AGMO: variants seen among roughly 807,000 people sequenced by gnomAD.
The protein encoded by AGMO is glyceryl-ether monooxygenase.
Under a neutral mutation model 60.2 loss-of-function variants are expected in AGMO, and 75 were observed. The observed-to-expected ratio is 1.25, with a 90% CI of 1.03 to 1.51. The LOEUF (loss-of-function observed/expected upper bound fraction) is 1.51, where lower values mean the gene tolerates loss of function less well. Among genes scored for constraint, AGMO ranks in the 40% most tolerant of loss-of-function variants. The pLI, the probability that AGMO is intolerant of heterozygous loss-of-function variation, is 0.00. For synonymous variants in AGMO, 261 were observed against 177.1 expected (o/e 1.47, Z -3.76); for missense variants, 763 against 525.5 (o/e 1.45, Z -4.42).
At chr7:15,157,233 T>C in the AGMO span, among the ~76,000 whole-genome samples, 1 of 152,156 alleles carries the variant, frequency 6.6e-6, no homozygotes, top group African/African-American at 2.4e-5. Context: ...TTACTCTCTC[T>C]TTTATCAAAT....
At chr7:15,390,307 A>G (rs1297971916) in intron 8 of AGMO, among the ~76,000 whole-genome samples, 1 of 152,152 alleles carries the variant, frequency 6.6e-6, no homozygotes, top group African/African-American at 2.4e-5. Context: ...AGAGTCATGC[A>G]CCCTGGAAGC....
chr7:15,128,858 C>G, the AGMO span, among the ~76,000 whole-genome samples: 1 of 152,010 alleles, frequency 6.6e-6, no homozygotes, highest in South Asian at 2.1e-4. Flanking sequence ...CTTGCTGTAG[C>G]TAGGGAGTCA....
rs377034852 is a variant in AGMO, at chr7:15,432,332, A to G, written c.410-1224T>C. ...TATATATGTGTGTGTATATATGTAT[A>G]TATATATATATATACATACATATAT... On this transcript the variant is annotated intron_variant, in intron 3 of 12. Coordinates refer to ENST00000342526, the MANE Select transcript of AGMO (RefSeq NM_001004320.2). 2.4e-3 allele frequency among the ~76,000 whole-genome samples: 327 copies of G among 138,782 alleles called. 5 individuals are homozygous for G. Among genetic ancestry groups the G allele is most frequent in the African/African-American group, 6.3e-3 (236 of 37,420 alleles). The allele number at this position is 138,782 out of a possible 152,430, so 91.0% of individuals were successfully genotyped here.
At chr7:15,430,641 A>C (rs1353986990) in intron 4 of AGMO, among the ~76,000 whole-genome samples, 2 of 116,330 alleles carry the variant, frequency 1.7e-5, no homozygotes, top group Non-Finnish European at 3.9e-5. Context: ...AAAAAAAAAA[A>C]AAAAACTGGT....
intron 12 of AGMO, among the ~76,000 whole-genome samples, chr7:15,296,441 C>T (rs186720410): frequency 1.7e-3 from 252 of 152,222 alleles, no homozygotes; most frequent in African/African-American, 5.7e-3. Context: ...CCCTGTGCAC[C>T]ATCGTTGAAG....
chr7:15,471,318 G>A (rs1019108971), intron 3 of AGMO, among the ~76,000 whole-genome samples: 1 of 151,764 alleles, frequency 6.6e-6, no homozygotes, highest in South Asian at 2.1e-4. Context: ...TGACTTCATC[G>A]TATATCTGAA....
intron 3 of AGMO, among the ~76,000 whole-genome samples, chr7:15,537,592 T>C (rs1325822209): frequency 6.6e-6 from 1 of 152,142 alleles, no homozygotes; most frequent in Non-Finnish European, 1.5e-5. Flanking sequence ...CCTGGAAATA[T>C]TTCTATACTT....
At chr7:15,353,842 G>T (rs567587139) in intron 12 of AGMO, among the ~76,000 whole-genome samples, 1 of 152,226 alleles carries the variant, frequency 6.6e-6, no homozygotes, top group Non-Finnish European at 1.5e-5. Flanking sequence ...AGGGACAGGT[G>T]AGTAAGAATA....
chr7:15,346,508 T>C (rs1483650948), intron 12 of AGMO, among the ~76,000 whole-genome samples: 1 of 151,994 alleles, frequency 6.6e-6, no homozygotes, highest in African/African-American at 2.4e-5. Context: ...TTAATTGATA[T>C]TTATTTTCAT....
chr7:15,242,878 A>G (rs1782633086), intron 12 of AGMO, among the ~76,000 whole-genome samples: 1 of 152,150 alleles, frequency 6.6e-6, no homozygotes, highest in Non-Finnish European at 1.5e-5. Flanking sequence ...AAGATAAATG[A>G]CATTAAGTGT....
intron 12 of AGMO, among the ~76,000 whole-genome samples, chr7:15,288,359 A>C (rs1452430740): frequency 2.0e-5 from 3 of 152,178 alleles, no homozygotes; most frequent in African/African-American, 7.2e-5. Context: ...GTATAATCCT[A>C]CTTAGCCAGG....
At chr7:15,384,673 A>G (rs1486131661) in intron 10 of AGMO, among the ~76,000 whole-genome samples, 1 of 152,052 alleles carries the variant, frequency 6.6e-6, no homozygotes, top group Admixed American at 6.6e-5. Context: ...TAAAAACAGC[A>G]TTTTTTTAAA....
intron 12 of AGMO, among the ~76,000 whole-genome samples, chr7:15,292,751 CTTTTTTTTTTTTTTT>C (rs765222435): frequency 1.1e-5 from 1 of 95,128 alleles, no homozygotes; most frequent in African/African-American, 4.6e-5. Context: ...TTTTTTTTTC[CTTTTTTTTTTTTTTT>C]TTTTTTTTGA....
intron 5 of AGMO, among the ~76,000 whole-genome samples, chr7:15,412,614 A>C (rs1780644771): frequency 1.3e-5 from 2 of 151,748 alleles, no homozygotes; most frequent in South Asian, 4.2e-4. Context: ...GGTGCTAGCA[A>C]AAGAGAATTT....
In AGMO at chr7:15,299,781, T is replaced by C. The variant is rs145155955; in HGVS notation, c.1263+65733A>G. Reference sequence around the variant, plus strand: ...AGGTGGAGGTTTCAGTGAGCCAATATTGAGCCACTGCACTCCAGCCTGGGA... The same window carrying C: ...AGGTGGAGGTTTCAGTGAGCCAATACTGAGCCACTGCACTCCAGCCTGGGA... On this transcript the variant is annotated intron_variant, in intron 12 of 12. Transcript: ENST00000342526. 5.1e-3 allele frequency among the ~76,000 whole-genome samples: 763 copies of C among 151,016 alleles called. 7 individuals carry two copies. The highest frequency in any genetic ancestry group is 8.5e-3 in the Non-Finnish European group (578 of 67,780).
chr7:15,411,600 TA>T (rs912391767), intron 5 of AGMO, among the ~76,000 whole-genome samples: 2 of 151,884 alleles, frequency 1.3e-5, no homozygotes. Context: ...TATGAAATAT[TA>T]AAAAAAATCT....
intron 12 of AGMO, among the ~76,000 whole-genome samples, chr7:15,224,462 C>G (rs181779241): frequency 9.2e-5 from 14 of 152,086 alleles, no homozygotes; most frequent in Admixed American, 8.5e-4. Flanking sequence ...TCTCTCTCCT[C>G]TCATCAATGT....
Position 15,544,791 on chromosome 7 carries a change from C to A in AGMO, c.390G>T (p.Trp130Cys), listed in dbSNP as rs534874973. 2 of 1,602,304 alleles carry A rather than the reference C, an allele frequency of 1.2e-6. No homozygotes were observed. The highest frequency in any genetic ancestry group is 1.3e-5 in the African/African-American group (1 of 74,536). Residue 130 changes from tryptophan to cysteine, a missense_variant, in exon 3 of 13, where the codon TGG becomes TGT. Coordinates refer to ENST00000342526, the MANE Select transcript of AGMO (RefSeq NM_001004320.2). ...GCTTACCATGAGCCATACGATGGAA[C>A]CAGTAGTAGCCAAAGTCAACTCCTA... ...AFLGVDFGYYWFHRMAHEVNI... is the reference protein window; with the variant it reads ...AFLGVDFGYYCFHRMAHEVNI...
chr7:15,138,633 G>C, the AGMO span, among the ~76,000 whole-genome samples: 1 of 152,140 alleles, frequency 6.6e-6, no homozygotes, highest in Non-Finnish European at 1.5e-5. Flanking sequence ...AGTCAATTAA[G>C]CTGAGAGAAG....
Sources: gnomAD v4.1 joint callset for allele counts (sites outside exome capture counted in the v4.1 genomes callset) on GRCh38, gnomAD v4.1.1 for gene constraint, MANE v1.5 for transcripts, NCBI Gene and HGNC (gene_info 2026-07-23, HGNC 2026-07-21) for gene names.